ENTPD1: variants seen among roughly 807,000 people sequenced by gnomAD.
ENTPD1 encodes the protein ectonucleoside triphosphate diphosphohydrolase 1.
Under a neutral mutation model 57.0 loss-of-function variants are expected in ENTPD1, and 33 were observed. The ratio of observed to expected loss-of-function variants is 0.58; its 90% CI spans 0.44 to 0.77. ENTPD1 has a LOEUF of 0.77. Among genes scored for constraint, ENTPD1 ranks in the 30% least tolerant of loss-of-function variants. The pLI, the probability that ENTPD1 is intolerant of heterozygous loss-of-function variation, is 0.00. For synonymous variants in ENTPD1, 202 were observed against 218.8 expected, an observed-to-expected ratio of 0.92 and a Z score of 0.68; for missense variants, 501 against 603.4, an observed-to-expected ratio of 0.83 and a Z score of 1.78.
chr10:95,728,583 G>A lies in ENTPD1; in HGVS notation c.37+16590G>A, dbSNP rs548553528. Among the ~76,000 whole-genome samples, 119 of 152,172 alleles carry A rather than the reference G, an allele frequency of 7.8e-4. 5 individuals are homozygous for A. The South Asian group carries it at 0.025, about 31-fold the overall frequency. ...TTTTATGGATCCCACGGTGTTATTCGAGGTTTCTAGTATTGCACTAAACAC... is the reference window on the plus strand; with the variant it reads ...TTTTATGGATCCCACGGTGTTATTCAAGGTTTCTAGTATTGCACTAAACAC... On this transcript the variant is annotated intron_variant, in intron 1 of 9. Coordinates refer to the ENTPD1 transcript ENST00000453258.
chr10:95,870,663 G>C lies in ENTPD1; in HGVS notation c.*4280G>C. The C allele has an allele frequency of 1.0e-6, 1 of 985,408 alleles. No homozygotes were observed. The highest frequency in any genetic ancestry group is 1.2e-6 in the Non-Finnish European group (1 of 829,924). 61.0% of individuals were successfully genotyped at this position (985,408 alleles called of 1,614,324 possible). A position where few individuals can be genotyped will look rare whatever the true frequency, so the allele number is the denominator to read the frequency against. On this transcript the variant is annotated 3_prime_UTR_variant, in exon 10 of 10. Transcript: ENST00000371205. ...TGAAAATATATTCCCTTTATTGTCA[G>C]TTTAAAAGATGAACTGAGTTTCACC...
chr10:95,737,040 C>T (rs1306798911), intron 1 of ENTPD1, among the ~76,000 whole-genome samples: 2 of 152,138 alleles, frequency 1.3e-5, no homozygotes, highest in African/African-American at 2.4e-5. Flanking sequence ...CCACTTTCTA[C>T]AATATTGAGA....
chr10:95,725,321 C>A (rs972163788), intron 1 of ENTPD1, among the ~76,000 whole-genome samples: 1 of 152,136 alleles, frequency 6.6e-6, no homozygotes, highest in Non-Finnish European at 1.5e-5. Flanking sequence ...TCCTATATAT[C>A]TGGCCCCATT....
intron 1 of ENTPD1, among the ~76,000 whole-genome samples, chr10:95,796,171 G>A (rs2098225089): frequency 6.6e-6 from 1 of 152,200 alleles, no homozygotes. Context: ...ACTGACATAT[G>A]TAACACTGCT....
At chr10:95,833,206 G>A (rs1215098687) in intron 2 of ENTPD1, among the ~76,000 whole-genome samples, 1 of 152,172 alleles carries the variant, frequency 6.6e-6, no homozygotes, top group African/African-American at 2.4e-5. Context: ...GATAGATGGT[G>A]TTGCACAACA....
intron 7 of ENTPD1, among the ~76,000 whole-genome samples, chr10:95,855,993 G>T (rs1409503058): frequency 6.6e-6 from 1 of 152,204 alleles, no homozygotes; most frequent in Non-Finnish European, 1.5e-5. Context: ...TGCCTTGCTA[G>T]ATTGGGGAAG....
At chr10:95,842,724 T>C (rs2098425151) in intron 4 of ENTPD1, among the ~76,000 whole-genome samples, 2 of 151,952 alleles carry the variant, frequency 1.3e-5, no homozygotes, top group African/African-American at 4.8e-5. Context: ...TGCATCTCCC[T>C]ATGGGGGATT....
chr10:95,715,704 A>G (rs1417489452), intron 1 of ENTPD1, among the ~76,000 whole-genome samples: 1 of 152,076 alleles, frequency 6.6e-6, no homozygotes, highest in African/African-American at 2.4e-5. Flanking sequence ...CTTTAAATTT[A>G]CCCCTTTAAA....
intron 1 of ENTPD1, among the ~76,000 whole-genome samples, chr10:95,812,386 A>G (rs919377316): frequency 6.6e-6 from 1 of 152,238 alleles, no homozygotes; most frequent in Non-Finnish European, 1.5e-5. Context: ...AATGCTTTTG[A>G]GATTCATACA....
chr10:95,836,209 C>A (rs1021993946), intron 2 of ENTPD1, among the ~76,000 whole-genome samples: 2 of 152,180 alleles, frequency 1.3e-5, no homozygotes, highest in Middle Eastern at 3.4e-3. Context: ...CAGTACCATG[C>A]TGTTTTAGTT....
intron 1 of ENTPD1, among the ~76,000 whole-genome samples, chr10:95,737,373 G>C (rs7478275): frequency 0.033 from 4,931 of 149,546 alleles, 118 homozygotes; most frequent in Non-Finnish European, 0.053. Context: ...ATTGACAGTA[G>C]AAAAAAAAAT....
intron 1 of ENTPD1, among the ~76,000 whole-genome samples, chr10:95,719,099 C>A (rs1464411752): frequency 6.6e-6 from 1 of 152,198 alleles, no homozygotes; most frequent in Non-Finnish European, 1.5e-5. Flanking sequence ...ATTATTTTAA[C>A]TGCTTCAGAT....
At chr10:95,825,068 C>T (rs1254533264) in intron 2 of ENTPD1, among the ~76,000 whole-genome samples, 2 of 152,172 alleles carry the variant, frequency 1.3e-5, no homozygotes, top group Non-Finnish European at 2.9e-5. Context: ...ACCAGATGTG[C>T]TGTCCAATTT....
At position 95,825,708 on chromosome 10, in the gene ENTPD1, G is replaced by C. The variant is rs568072226; in HGVS notation, c.144+2344G>C. Among the ~76,000 whole-genome samples the C allele has an allele frequency of 1.9e-3, 291 of 152,262 alleles. 5 individuals are homozygous for C. Among genetic ancestry groups the C allele is most frequent in the African/African-American group, 6.5e-3 (271 of 41,558 alleles). On this transcript the variant is annotated intron_variant, in intron 2 of 9. Coordinates refer to ENST00000371205, the MANE Select transcript of ENTPD1 (RefSeq NM_001776.6). ...TTCTCCTGCCTCAGCCTCCCAAGTA[G>C]CTGGGACTACAGGTGCCCGCCATCA... is the stretch of plus-strand genomic sequence containing the variant.
At chr10:95,768,107 T>A (rs2098097611) in intron 1 of ENTPD1, among the ~76,000 whole-genome samples, 1 of 152,240 alleles carries the variant, frequency 6.6e-6, no homozygotes, top group Non-Finnish European at 1.5e-5. Context: ...TAAACTTCTG[T>A]TGTTTATAAA....
At chr10:95,762,386 G>A (rs1589714913) in intron 1 of ENTPD1, among the ~76,000 whole-genome samples, 2 of 141,678 alleles carry the variant, frequency 1.4e-5, no homozygotes, top group African/African-American at 5.0e-5. Context: ...GCCATTTCCT[G>A]GCAGTTTTTT....
intron 7 of ENTPD1, among the ~76,000 whole-genome samples, chr10:95,859,670 A>AT (rs1440897139): frequency 2.0e-5 from 3 of 152,102 alleles, no homozygotes. Context: ...CTGCTCAATT[A>AT]TTTTTTCCCC....
chr10:95,711,187 G>A (rs1473989110), upstream of ENTPD1, among the ~76,000 whole-genome samples: 6 of 152,040 alleles, frequency 3.9e-5, no homozygotes, highest in Admixed American at 3.3e-4. Context: ...TATAAAAACT[G>A]GCCATAAAGA....
intron 4 of ENTPD1, 114 bp from the exon 5 acceptor site, chr10:95,844,362 C>A: frequency 7.0e-7 from 1 of 1,425,418 alleles, no homozygotes; most frequent in Non-Finnish European, 9.8e-7. Context: ...TTCATTTATT[C>A]CAGGGCATTA....
Sources: allele counts gnomAD v4.1 joint callset (sites outside exome capture counted in the v4.1 genomes callset), GRCh38; gene constraint gnomAD v4.1.1; transcripts MANE v1.5; gene names NCBI Gene and HGNC (gene_info 2026-07-23, HGNC 2026-07-21).